Variants in FSIP1 observed in about 807,000 individuals in gnomAD.
FSIP1 encodes the protein fibrous sheath-interacting protein 1.
Under a neutral mutation model 60.9 loss-of-function variants are expected in FSIP1, and 65 were observed. The ratio of observed to expected loss-of-function variants is 1.07; its 90% CI spans 0.87 to 1.31. FSIP1 has a LOEUF of 1.31. Among genes scored for constraint, FSIP1 ranks in the 40% most tolerant of loss-of-function variants. The pLI is 0.00. For missense variants in FSIP1, 675 were observed against 665.5 expected, an observed-to-expected ratio of 1.01 and a Z score of -0.16; for synonymous variants, 209 against 221.2, an observed-to-expected ratio of 0.94 and a Z score of 0.49.
chr15:39,680,399 T>C (rs1382468980), intron 10 of FSIP1, among the ~76,000 whole-genome samples: 1 of 152,236 alleles, frequency 6.6e-6, no homozygotes, highest in East Asian at 1.9e-4. Context: ...TGACATGGTA[T>C]CATAATTTCT....
At chr15:39,641,986 T>C (rs977038717) in intron 10 of FSIP1, among the ~76,000 whole-genome samples, 1 of 152,182 alleles carries the variant, frequency 6.6e-6, no homozygotes, top group African/African-American at 2.4e-5. Flanking sequence ...AAGAATAGGA[T>C]GTGGGTTGGG....
At position 39,707,426 on chromosome 15, in the gene FSIP1, C is replaced by T. The variant is rs185370927; in HGVS notation, c.1188+6018G>A. The stretch of plus-strand genomic sequence containing the variant: ...AGAGAACATTCAAACATGGCCTCAC[C>T]CACCTTCTCTTCATCTCTCATCCTG... On this transcript the variant is annotated intron_variant, in intron 10 of 11. Coordinates refer to ENST00000350221, the MANE Select transcript of FSIP1 (RefSeq NM_152597.5). Among the ~76,000 whole-genome samples the T allele has an allele frequency of 1.3e-4, 20 of 152,138 alleles. No homozygotes were observed. In the East Asian group the frequency reaches 3.7e-3, roughly 28 times the overall value.
At chr15:39,611,517 A>G (rs911738616) in intron 11 of FSIP1, among the ~76,000 whole-genome samples, 3 of 152,222 alleles carry the variant, frequency 2.0e-5, no homozygotes, top group Admixed American at 6.5e-5. Context: ...GTTGCACAAA[A>G]TATAAAAGGA....
intron 10 of FSIP1, among the ~76,000 whole-genome samples, chr15:39,647,781 A>G (rs1046864657): frequency 2.0e-5 from 3 of 152,234 alleles, no homozygotes; most frequent in Non-Finnish European, 4.4e-5. Flanking sequence ...TCAATTTTCC[A>G]AAAGGTCTAT....
intron 10 of FSIP1, among the ~76,000 whole-genome samples, chr15:39,623,280 C>G (rs1891511556): frequency 6.6e-6 from 1 of 152,172 alleles, no homozygotes; most frequent in African/African-American, 2.4e-5. Flanking sequence ...AAGATTATGT[C>G]CCTGGTGCAG....
intron 8 of FSIP1, among the ~76,000 whole-genome samples, chr15:39,736,067 A>G (rs560464539): frequency 1.3e-5 from 2 of 152,242 alleles, no homozygotes; most frequent in Non-Finnish European, 2.9e-5. Context: ...AAGTACAAGG[A>G]GCACACTCTA....
At chr15:39,771,825 A>C (rs1423517750) in intron 2 of FSIP1, among the ~76,000 whole-genome samples, 1 of 152,216 alleles carries the variant, frequency 6.6e-6, no homozygotes, top group Admixed American at 6.5e-5. Context: ...TGCCAGAAAA[A>C]GTCTGTAATT....
intron 9 of FSIP1, among the ~76,000 whole-genome samples, chr15:39,725,669 T>C (rs1320350297): frequency 6.6e-6 from 1 of 152,322 alleles, no homozygotes; most frequent in African/African-American, 2.4e-5. Flanking sequence ...TACTCTCTTA[T>C]GCAATCAGAC....
chr15:39,661,896 G>A (rs1893310521), intron 10 of FSIP1, among the ~76,000 whole-genome samples: 1 of 152,166 alleles, frequency 6.6e-6, no homozygotes, highest in South Asian at 2.1e-4. Context: ...CCATTCAGGA[G>A]CCTGCTCTCC....
chr15:39,614,543 G>T (rs939901322), intron 11 of FSIP1, among the ~76,000 whole-genome samples: 1 of 151,756 alleles, frequency 6.6e-6, no homozygotes, highest in African/African-American at 2.4e-5. Flanking sequence ...TACTCGGGAG[G>T]CTGAGGCAGG....
intron 9 of FSIP1, among the ~76,000 whole-genome samples, chr15:39,720,137 C>G (rs943613418): frequency 6.6e-6 from 1 of 152,128 alleles, no homozygotes. Flanking sequence ...TGGAACTATA[C>G]AAATCCCTGG....
chr15:39,688,081 C>G (rs2664124), intron 10 of FSIP1, among the ~76,000 whole-genome samples: 124,699 of 152,124 alleles, frequency 0.82, 51,784 homozygotes, highest in Non-Finnish European at 0.89. Flanking sequence ...TATAGGTAAT[C>G]TCTCTGAATA....
At chr15:39,766,194 G>GT (rs1476790154) in intron 3 of FSIP1, among the ~76,000 whole-genome samples, 4 of 152,174 alleles carry the variant, frequency 2.6e-5, no homozygotes, top group African/African-American at 7.2e-5. Context: ...GTAGAAAGCC[G>GT]TAAGTCTTCA....
At chr15:39,770,406 A>C in intron 3 of FSIP1, 21 bp downstream of exon 3, 1 of 1,513,218 alleles carries the variant, frequency 6.6e-7, no homozygotes, top group Non-Finnish European at 8.9e-7. Context: ...TCATTAGCCA[A>C]TCACCTAGTG....
chr15:39,762,797 G>A (rs1452476752), intron 5 of FSIP1, among the ~76,000 whole-genome samples: 1 of 152,196 alleles, frequency 6.6e-6, no homozygotes, highest in African/African-American at 2.4e-5. Context: ...ACTGAAATGG[G>A]AGGGAAACAT....
chr15:39,741,891 T>C lies in FSIP1; in HGVS notation c.569A>G (p.His190Arg), dbSNP rs751539052. ...AVSEETVGPSHEEEDTFSSVF... is the reference protein window; with the variant it reads ...AVSEETVGPSREEEDTFSSVF... ...TGAGGAAAAGGTGTCTTCCTCCTCA[T>C]GAGAAGGACCTGTTGATTTAAAAAA... The change falls in exon 6 of 12, where the codon CAT becomes CGT. Residue 190 changes from histidine to arginine, a missense_variant. Physicochemically the swap from His to Arg is conservative, Grantham distance 29. Coordinates refer to ENST00000350221, the MANE Select transcript of FSIP1 (RefSeq NM_152597.5). 2.5e-6 allele frequency: 4 copies of C among 1,574,960 alleles called. No homozygotes were observed. The East Asian group carries it at 6.7e-5, about 26-fold the overall frequency.
intron 10 of FSIP1, among the ~76,000 whole-genome samples, chr15:39,631,239 G>A (rs995924887): frequency 1.6e-4 from 25 of 152,334 alleles, no homozygotes; most frequent in Admixed American, 9.8e-4. Context: ...TTACTGACCA[G>A]TGGTCCTAGG....
chr15:39,712,189 C>T (rs1368909907), intron 10 of FSIP1, among the ~76,000 whole-genome samples: 4 of 147,420 alleles, frequency 2.7e-5, no homozygotes, highest in African/African-American at 1.0e-4. Context: ...CTCCTGTAGG[C>T]TCTGTGTCAG....
intron 11 of FSIP1, 152 bp downstream of exon 11, chr15:39,617,583 G>T: frequency 1.6e-6 from 1 of 632,624 alleles, no homozygotes; most frequent in Non-Finnish European, 2.7e-6. Context: ...TAAGAGCATT[G>T]GGAAATAGGT....
Sources: allele counts gnomAD v4.1 joint callset (sites outside exome capture counted in the v4.1 genomes callset), GRCh38; gene constraint gnomAD v4.1.1; transcripts MANE v1.5; gene names NCBI Gene and HGNC (gene_info 2026-07-23, HGNC 2026-07-21).